The following ZNF385D variants were observed in gnomAD, a reference collection of about 807,000 sequenced individuals.
The protein encoded by ZNF385D is zinc finger protein 385D, also known as zinc finger protein 659.
A neutral mutation model predicts 35.8 loss-of-function variants in ZNF385D; 15 were observed. The observed-to-expected ratio is 0.42, with a 90% CI of 0.28 to 0.64. The LOEUF (loss-of-function observed/expected upper bound fraction) is 0.64, where lower values mean the gene tolerates loss of function less well. Among genes scored for constraint, ZNF385D ranks in the 30% least tolerant of loss-of-function variants. The pLI is 0.23. For synonymous variants in ZNF385D, 212 were observed against 186.8 expected (o/e 1.13, Z -1.10); for missense variants, 474 against 494.6 (o/e 0.96, Z 0.39).
intron 4 of ZNF385D, among the ~76,000 whole-genome samples, chr3:21,468,125 C>G (rs988822094): frequency 1.3e-5 from 2 of 152,012 alleles, no homozygotes; most frequent in Non-Finnish European, 2.9e-5. Flanking sequence ...GTATATGGAG[C>G]CAGGTGTGGT....
intron 4 of ZNF385D, among the ~76,000 whole-genome samples, chr3:21,470,850 G>A (rs766862647): frequency 1.4e-4 from 22 of 151,972 alleles, no homozygotes; most frequent in Non-Finnish European, 2.5e-4. Flanking sequence ...GCCACAATGG[G>A]CCCAGTATAC....
chr3:21,882,047 G>A (rs561326937), intron 3 of ZNF385D, among the ~76,000 whole-genome samples: 4 of 152,090 alleles, frequency 2.6e-5, no homozygotes, highest in African/African-American at 9.6e-5. Context: ...AACTCCTAGT[G>A]AAGATGCTTT....
intron 3 of ZNF385D, among the ~76,000 whole-genome samples, chr3:21,976,172 T>C (rs1425774769): frequency 6.6e-6 from 1 of 152,168 alleles, no homozygotes; most frequent in African/African-American, 2.4e-5. Flanking sequence ...ATATACCTCT[T>C]CTTGGCCTGC....
At chr3:22,032,212 G>A (rs1251199101) in intron 3 of ZNF385D, among the ~76,000 whole-genome samples, 2 of 152,124 alleles carry the variant, frequency 1.3e-5, no homozygotes, top group Non-Finnish European at 2.9e-5. Context: ...CTTCCAAACT[G>A]TTTCAACCTC....
Position 21,937,508 on chromosome 3 carries a change from A to T in ZNF385D, c.325+231309T>A, listed in dbSNP as rs550335755. 2.0e-5 allele frequency among the ~76,000 whole-genome samples: 3 copies of T among 152,288 alleles called. No homozygotes were observed. The South Asian group carries it at 6.2e-4, about 32-fold the overall frequency. On this transcript the variant is annotated intron_variant, in intron 3 of 5. Transcript: ENST00000494108. ...CTGTAAAATCTCATCAAGAAACTTT[A>T]AAAAAGATGTTTTGTGTTAATGATG...
chr3:21,516,088 A>G (rs1406129519), intron 3 of ZNF385D, among the ~76,000 whole-genome samples: 1 of 152,104 alleles, frequency 6.6e-6, no homozygotes, highest in Non-Finnish European at 1.5e-5. Context: ...CCACACCCCT[A>G]TGATTGCATC....
intron 3 of ZNF385D, among the ~76,000 whole-genome samples, chr3:21,771,894 G>A (rs1024229817): frequency 6.6e-6 from 1 of 151,914 alleles, no homozygotes; most frequent in Non-Finnish European, 1.5e-5. Flanking sequence ...TAAACCAATG[G>A]AATAGAATAG....
chr3:22,237,803 C>A (rs559408325), intron 2 of ZNF385D, among the ~76,000 whole-genome samples: 64 of 152,122 alleles, frequency 4.2e-4, no homozygotes, highest in African/African-American at 1.4e-3. Flanking sequence ...ACCACCATGC[C>A]TGGCTAATTT....
intron 2 of ZNF385D, among the ~76,000 whole-genome samples, chr3:22,200,402 T>A (rs751795708): frequency 6.6e-6 from 1 of 151,838 alleles, no homozygotes; most frequent in Non-Finnish European, 1.5e-5. Flanking sequence ...ACCAGCAAGT[T>A]TTTATTAGGG....
chr3:22,144,598 A>C (rs1298368635), intron 3 of ZNF385D, among the ~76,000 whole-genome samples: 4 of 140,782 alleles, frequency 2.8e-5, no homozygotes, highest in African/African-American at 8.0e-5. Context: ...AAAAAAAAAA[A>C]AAGAACGCCT....
At chr3:21,606,709 T>A (rs1043097134) in intron 2 of ZNF385D, among the ~76,000 whole-genome samples, 4 of 152,196 alleles carry the variant, frequency 2.6e-5, no homozygotes, top group African/African-American at 7.2e-5. Context: ...TGCAAGACAG[T>A]GACTGTGGCT....
At chr3:21,921,830 T>C (rs1420907308) in intron 3 of ZNF385D, among the ~76,000 whole-genome samples, 2 of 140,498 alleles carry the variant, frequency 1.4e-5, no homozygotes, top group African/African-American at 5.3e-5. Context: ...GTTTTGAAAC[T>C]GAATCAGTAA....
At chr3:22,365,231 A>G (rs1696598822) in intron 2 of ZNF385D, among the ~76,000 whole-genome samples, 1 of 152,080 alleles carries the variant, frequency 6.6e-6, no homozygotes, top group African/African-American at 2.4e-5. Flanking sequence ...AATGATTAAG[A>G]TGATACATTT....
At chr3:21,546,844 C>G (rs562520420) in intron 3 of ZNF385D, among the ~76,000 whole-genome samples, 2 of 146,818 alleles carry the variant, frequency 1.4e-5, no homozygotes, top group Non-Finnish European at 3.0e-5. Context: ...TAGCCCCCCC[C>G]GCTTCATGGG....
intron 2 of ZNF385D, among the ~76,000 whole-genome samples, chr3:22,253,185 G>A (rs1056101799): frequency 1.3e-5 from 2 of 151,924 alleles, no homozygotes; most frequent in Non-Finnish European, 2.9e-5. Context: ...CACATTGGAG[G>A]GTAGAAAAAT....
chr3:21,956,338 G>A (rs11706252), intron 3 of ZNF385D, among the ~76,000 whole-genome samples: 103,349 of 151,572 alleles, frequency 0.68, 36,349 homozygotes, highest in Non-Finnish European at 0.77. Flanking sequence ...CTTTACAAAT[G>A]TGATATTCCT....
intron 2 of ZNF385D, among the ~76,000 whole-genome samples, chr3:21,658,875 T>C (rs1052596229): frequency 3.9e-5 from 6 of 152,152 alleles, no homozygotes; most frequent in African/African-American, 7.2e-5. Flanking sequence ...TTTCAACAAA[T>C]GAAGCAAACT....
chr3:21,807,616 A>G (rs2125699406), intron 3 of ZNF385D, among the ~76,000 whole-genome samples: 1 of 152,326 alleles, frequency 6.6e-6, no homozygotes, highest in Non-Finnish European at 1.5e-5. Context: ...GGCCAATAAC[A>G]AATTTTACTT....
At chr3:22,058,933 G>C (rs1206119711) in intron 3 of ZNF385D, among the ~76,000 whole-genome samples, 1 of 152,144 alleles carries the variant, frequency 6.6e-6, no homozygotes, top group Non-Finnish European at 1.5e-5. Context: ...CTCTTTACAT[G>C]ATCTTCAGGA....
Sources: allele counts gnomAD v4.1 joint callset (sites outside exome capture counted in the v4.1 genomes callset), GRCh38; gene constraint gnomAD v4.1.1; transcripts MANE v1.5; gene names NCBI Gene and HGNC (gene_info 2026-07-23, HGNC 2026-07-21).